The following CELF2 variants were observed in gnomAD, a reference collection of about 807,000 sequenced individuals.
CELF2 encodes CUG triplet repeat RNA-binding protein 2.
CELF2 carries 8 observed loss-of-function variants against 62.6 expected under a neutral mutation model. The ratio of observed to expected loss-of-function variants is 0.13; its 90% confidence interval spans 0.07 to 0.23. The LOEUF (loss-of-function observed/expected upper bound fraction) is 0.23. Ranked by LOEUF, CELF2 falls within the 10% of genes least tolerant of loss-of-function variation. CELF2 has a pLI of 1.00. For synonymous variants in CELF2, 258 were observed against 250.0 expected (o/e 1.03, Z -0.30); for missense variants, 333 against 671.0 (o/e 0.50, Z 5.56).
chr10:11,011,828 G>A lies in CELF2; in HGVS notation c.53+6388G>A, dbSNP rs1256028699. 2.6e-5 allele frequency among the ~76,000 whole-genome samples: 4 copies of A among 152,140 alleles called. No homozygotes were observed. The highest frequency in any genetic ancestry group is 5.9e-5 in the Non-Finnish European group (4 of 68,034). ...GCAAAGTTAAATAAAAAGTCATTTGGGATTTTCAAAAGCCTCTATCCTTGG... is the reference window on the plus strand; with the variant it reads ...GCAAAGTTAAATAAAAAGTCATTTGAGATTTTCAAAAGCCTCTATCCTTGG... On this transcript the variant is annotated intron_variant, in intron 1 of 12. Coordinates refer to the CELF2 transcript ENST00000416382. The surrounding 1 kb of genome is among the most constrained non-coding windows in gnomAD (Gnocchi z 4.6).
chr10:10,999,525 C>G (rs2054306045), intron 2 of CELF2, among the ~76,000 whole-genome samples: 1 of 152,138 alleles, frequency 6.6e-6, no homozygotes, highest in Non-Finnish European at 1.5e-5. Flanking sequence ...CACTTGAGCC[C>G]AGGAGTTCAA....
the CELF2 span, among the ~76,000 whole-genome samples, chr10:10,729,301 C>G: frequency 0.71 from 107,974 of 152,050 alleles, 38,793 homozygotes; most frequent in South Asian, 0.82. Flanking sequence ...CAACAAAGTA[C>G]GTTAGTCATG....
the CELF2 span, among the ~76,000 whole-genome samples, chr10:10,693,549 T>C: frequency 2.2e-4 from 33 of 151,542 alleles, no homozygotes; most frequent in East Asian, 5.4e-3. Flanking sequence ...GAGGATTCCC[T>C]CTTTTTCTAT....
At chr10:10,975,729 A>C (rs1554756150) in intron 2 of CELF2, among the ~76,000 whole-genome samples, 1 of 152,252 alleles carries the variant, frequency 6.6e-6, no homozygotes, top group Non-Finnish European at 1.5e-5. Flanking sequence ...CTGATGATGC[A>C]GGACTGTGAG....
the CELF2 span, chr10:10,789,091 C>T: frequency 1.3e-5 from 2 of 152,034 alleles, no homozygotes; most frequent in Admixed American, 6.5e-5. Context: ...GAAAGCTAGA[C>T]CAAGAAAGCT....
At chr10:11,143,053 G>C (rs899359436) in intron 1 of CELF2, among the ~76,000 whole-genome samples, 4 of 151,578 alleles carry the variant, frequency 2.6e-5, no homozygotes, top group African/African-American at 9.8e-5. Context: ...CTCCACTGGG[G>C]GGACTCACTC....
chr10:11,040,570 C>CTGTTTTTCCTG (rs1171856104), intron 1 of CELF2, among the ~76,000 whole-genome samples: 1 of 152,096 alleles, frequency 6.6e-6, no homozygotes, highest in African/African-American at 2.4e-5. Flanking sequence ...GTTGGTCGCT[C>CTGTTTTTCCTG]TGTTTTTCCT....
the CELF2 span, among the ~76,000 whole-genome samples, chr10:10,608,303 G>A: frequency 8.2e-3 from 1,248 of 152,234 alleles, 12 homozygotes; most frequent in Admixed American, 0.011. Flanking sequence ...GAGAGAAAGC[G>A]TTTTTGAACA....
chr10:10,916,931 C>T (rs1013345223), intron 1 of CELF2, among the ~76,000 whole-genome samples: 1 of 150,456 alleles, frequency 6.6e-6, no homozygotes, highest in African/African-American at 2.5e-5. Context: ...CCTTCTTCTT[C>T]TTCTTTTTTT....
chr10:11,089,606 C>G (rs2047756393), intron 1 of CELF2, among the ~76,000 whole-genome samples: 1 of 152,072 alleles, frequency 6.6e-6, no homozygotes, highest in African/African-American at 2.4e-5. Flanking sequence ...GTTTCAGTGG[C>G]TGGTGGAAGC....
the CELF2 span, among the ~76,000 whole-genome samples, chr10:10,696,848 C>G: frequency 6.6e-6 from 1 of 152,222 alleles, no homozygotes; most frequent in Non-Finnish European, 1.5e-5. Context: ...GGCTAGCGCA[C>G]GGTGCGTGCA....
chr10:10,468,080 CA>C, the CELF2 span, among the ~76,000 whole-genome samples: 1 of 151,950 alleles, frequency 6.6e-6, no homozygotes, highest in Non-Finnish European at 1.5e-5. Context: ...CAGAAAGAGA[CA>C]AATCAGGAAT....
At chr10:11,293,577 G>A (rs141794250) in intron 9 of CELF2, among the ~76,000 whole-genome samples, 166 of 152,298 alleles carry the variant, frequency 1.1e-3, no homozygotes, top group African/African-American at 3.8e-3. Context: ...CTGGCCAGGC[G>A]TTCTGCAGAC....
At chr10:11,210,647 C>T (rs1169522203) in intron 2 of CELF2, among the ~76,000 whole-genome samples, 1 of 152,220 alleles carries the variant, frequency 6.6e-6, no homozygotes, top group Non-Finnish European at 1.5e-5. Flanking sequence ...ACACCTTACA[C>T]AGGGGAGTTT....
At chr10:10,651,201 A>T in the CELF2 span, among the ~76,000 whole-genome samples, 34 of 120,892 alleles carry the variant, frequency 2.8e-4, no homozygotes, top group Non-Finnish European at 4.6e-4. Flanking sequence ...TATATCCCAC[A>T]TCTGGCTCGG....
At chr10:10,923,268 T>C (rs2065090579) in intron 2 of CELF2, among the ~76,000 whole-genome samples, 1 of 152,194 alleles carries the variant, frequency 6.6e-6, no homozygotes. Flanking sequence ...AACTGCCAAC[T>C]AGTGATATGT....
chr10:10,866,692 C>T (rs2060394331), intron 1 of CELF2, among the ~76,000 whole-genome samples: 2 of 150,470 alleles, frequency 1.3e-5, no homozygotes, highest in Admixed American at 1.3e-4. Context: ...CGCGGTGGCT[C>T]ACGACTGTAA....
Position 11,255,626 on chromosome 10 carries a change from G to A in CELF2, c.404-2112G>A, listed in dbSNP as rs1056244120. Among the ~76,000 whole-genome samples, 5 of 152,006 alleles carry A rather than the reference G, an allele frequency of 3.3e-5. No homozygotes were observed. Among genetic ancestry groups the A allele is most frequent in the East Asian group, 1.9e-4 (1 of 5,188 alleles). ...TTCCTTGGAGCCCTAGAGTTTCTGC[G>A]GTGTCCCAGGAGCTGTCACAGTGGG... On this transcript the variant is annotated intron_variant, in intron 4 of 12. Transcript: ENST00000633077. The surrounding 1 kb of genome is among the most constrained non-coding windows in gnomAD (Gnocchi z 5.5).
chr10:10,786,518 A>T, the CELF2 span: 1 of 152,176 alleles, frequency 6.6e-6, no homozygotes, highest in South Asian at 2.1e-4. Context: ...TAATTCTTTT[A>T]AAAGGAAGTT....
Sources: gnomAD v4.1 joint callset for allele counts (sites outside exome capture counted in the v4.1 genomes callset) on GRCh38, gnomAD v4.1.1 for gene constraint, Gnocchi (gnomAD v3.1) non-coding constraint, MANE v1.5 for transcripts, NCBI Gene and HGNC (gene_info 2026-07-23, HGNC 2026-07-21) for gene names.